Variants in ANKS1B observed in about 807,000 individuals in gnomAD.
ANKS1B encodes ankyrin repeat and sterile alpha motif domain-containing protein 1B.
A neutral mutation model predicts 148.3 loss-of-function variants in ANKS1B; 36 were observed. That is an observed-to-expected ratio of 0.24 (90% CI 0.19 to 0.32). The LOEUF is 0.32. Ranked by LOEUF, ANKS1B falls within the 10% of genes least tolerant of loss-of-function variation. The pLI, the probability that ANKS1B is intolerant of heterozygous loss-of-function variation, is 1.00. For synonymous variants in ANKS1B, 542 were observed against 560.8 expected, an observed-to-expected ratio of 0.97 and a Z score of 0.47; for missense variants, 1,157 against 1,542.6, an observed-to-expected ratio of 0.75 and a Z score of 4.19.
In ANKS1B at chr12:99,794,460, T is replaced by TACAC. The variant is rs148663206; in HGVS notation, c.669+11940_669+11943dup. On this transcript the variant is annotated intron_variant, in intron 4 of 26. Transcript: ENST00000683438. ...AGATGAAAGGATAAAGAAAATGTGG[T>TACAC]ACACACACACACACACACACACACA... Among the ~76,000 whole-genome samples the TACAC allele has an allele frequency of 3.9e-3, 559 of 143,644 alleles. 7 individuals carry two copies. Among genetic ancestry groups the TACAC allele is most frequent in the South Asian group, 0.021 (92 of 4,352 alleles). 94.2% of individuals were successfully genotyped at this position (143,644 alleles called of 152,430 possible). A position where few individuals can be genotyped will look rare whatever the true frequency, so the allele number is the denominator to read the frequency against.
chr12:99,392,509 G>A lies in ANKS1B; in HGVS notation c.1756+7122C>T, dbSNP rs866905807. On this transcript the variant is annotated intron_variant, in intron 12 of 26. Transcript: ENST00000683438. ...CCATCAGTTTTCTCCTGCAGGAGGT[G>A]ATGGTTTGAAACTACTAGCAAAACT... Among the ~76,000 whole-genome samples the A allele has an allele frequency of 3.3e-5, 5 of 152,316 alleles. 1 individual carries two copies. Among genetic ancestry groups the A allele is most frequent in the Middle Eastern group, 6.8e-3 (2 of 294 alleles).
At chr12:99,463,304 C>T (rs183431510) in intron 10 of ANKS1B, among the ~76,000 whole-genome samples, 188 of 152,174 alleles carry the variant, frequency 1.2e-3, no homozygotes, top group Non-Finnish European at 2.1e-3. Flanking sequence ...CATTCAAATG[C>T]GGCAGCCAAG....
intron 10 of ANKS1B, among the ~76,000 whole-genome samples, chr12:99,467,453 A>T (rs1313654649): frequency 6.6e-6 from 1 of 152,178 alleles, no homozygotes; most frequent in Admixed American, 6.5e-5. Flanking sequence ...ATTAGGCAGG[A>T]GAAGGAAATA....
chr12:99,017,196 G>A (rs2099943094), intron 17 of ANKS1B, among the ~76,000 whole-genome samples: 1 of 152,194 alleles, frequency 6.6e-6, no homozygotes, highest in East Asian at 1.9e-4. Flanking sequence ...TGACTTCCAA[G>A]CTGTCCTTGG....
At chr12:99,259,207 T>C (rs1442703443) in intron 12 of ANKS1B, among the ~76,000 whole-genome samples, 2 of 152,214 alleles carry the variant, frequency 1.3e-5, no homozygotes, top group Non-Finnish European at 2.9e-5. Flanking sequence ...CACTGGAGCT[T>C]GAAAACCACC....
chr12:99,101,016 T>C (rs1298956772), intron 15 of ANKS1B, among the ~76,000 whole-genome samples: 2 of 152,136 alleles, frequency 1.3e-5, no homozygotes, highest in African/African-American at 4.8e-5. Flanking sequence ...GAGAAGGCAC[T>C]GCGTGGATCG....
chr12:99,106,428 G>T (rs1203383668), intron 15 of ANKS1B, among the ~76,000 whole-genome samples: 1 of 152,210 alleles, frequency 6.6e-6, no homozygotes, highest in Non-Finnish European at 1.5e-5. Context: ...CTACAGCCAT[G>T]TATTCTTCTA....
rs149136296 is a variant in ANKS1B at position 98,917,620 on chromosome 12, G to C, written c.2779-85484C>G. ...TGCTTTTTATTTTGTATCAGCTGAA[G>C]TGCTGTGAGTATTCGGGATGAAAAA... On this transcript the variant is annotated intron_variant, in intron 17 of 26. Coordinates refer to ENST00000683438, the MANE Select transcript of ANKS1B (RefSeq NM_001352186.2). Among the ~76,000 whole-genome samples, 314 of 152,328 alleles carry C rather than the reference G, an allele frequency of 2.1e-3. 3 individuals carry two copies. In the East Asian group the frequency reaches 0.037, roughly 18 times the overall value.
intron 15 of ANKS1B, among the ~76,000 whole-genome samples, chr12:99,110,513 A>G (rs1466831723): frequency 6.6e-6 from 1 of 152,226 alleles, no homozygotes; most frequent in Non-Finnish European, 1.5e-5. Context: ...GTTCTAAAAT[A>G]TTTATCATCA....
chr12:98,948,815 C>T (rs1277283301), intron 17 of ANKS1B, among the ~76,000 whole-genome samples: 1 of 150,320 alleles, frequency 6.7e-6, no homozygotes, highest in Non-Finnish European at 1.5e-5. Context: ...GATTAAGCAA[C>T]AGGCTCAAGA....
intron 1 of ANKS1B, among the ~76,000 whole-genome samples, chr12:99,842,686 A>C (rs1360649233): frequency 1.3e-5 from 2 of 152,096 alleles, no homozygotes; most frequent in Non-Finnish European, 2.9e-5. Context: ...CCACTTGCCC[A>C]TGCTATATTT....
At chr12:99,907,204 C>T (rs1336905825) in intron 1 of ANKS1B, among the ~76,000 whole-genome samples, 1 of 152,180 alleles carries the variant, frequency 6.6e-6, no homozygotes, top group Non-Finnish European at 1.5e-5. Context: ...CAGGGGAAGT[C>T]ACTGATAGTT....
intron 8 of ANKS1B, among the ~76,000 whole-genome samples, chr12:99,758,873 T>TA (rs2061819724): frequency 6.6e-6 from 1 of 151,852 alleles, no homozygotes; most frequent in African/African-American, 2.4e-5. Context: ...CCAGGCTAGG[T>TA]AAAACTAGGA....
In ANKS1B at chr12:98,801,092, G is replaced by T; in HGVS notation, c.3175C>A (p.Arg1059=). 6.2e-7 allele frequency: 1 copy of T among 1,612,388 alleles called. No homozygotes were observed. Among genetic ancestry groups the T allele is most frequent in the South Asian group, 1.1e-5 (1 of 90,728 alleles). ...GDWGEPSITL[R]PPNEATASTP... The stretch of plus-strand genomic sequence containing the variant: ...GAGGCTGTGGCTTCATTCGGAGGTC[G>T]CAAGGTAATGGAAGGTTCTCCCCAG... Residue 1059 remains arginine (R), a synonymous_variant, in exon 21 of 27, where the codon CGA becomes AGA. Coordinates refer to ENST00000683438, the MANE Select transcript of ANKS1B (RefSeq NM_001352186.2). This position sits in a 1 kb window ranked among gnomAD's most constrained non-coding sequence, Gnocchi z 5.2.
intron 14 of ANKS1B, among the ~76,000 whole-genome samples, chr12:99,190,484 C>G (rs2080510826): frequency 6.6e-6 from 1 of 152,038 alleles, no homozygotes; most frequent in Admixed American, 6.5e-5. Flanking sequence ...GATATTGTTA[C>G]AAAAACAGAT....
In ANKS1B at chr12:99,900,959, G is replaced by A. The variant is rs901417063; in HGVS notation, c.135-75570C>T. 3.3e-5 allele frequency among the ~76,000 whole-genome samples: 5 copies of A among 152,036 alleles called. No individual in the cohort carries two copies. In the East Asian group the frequency reaches 9.7e-4, roughly 29 times the overall value. ...TTTTTTCTCTGTAACTATACTTTTT[G>A]TTTCTGAAGAATGAGGCTGTCCCCT... On this transcript the variant is annotated intron_variant, in intron 1 of 26. Coordinates refer to ENST00000683438, the MANE Select transcript of ANKS1B (RefSeq NM_001352186.2).
At chr12:98,867,454 C>T (rs1362339900) in intron 17 of ANKS1B, among the ~76,000 whole-genome samples, 1 of 152,200 alleles carries the variant, frequency 6.6e-6, no homozygotes, top group East Asian at 1.9e-4. Context: ...GAGGAAAGAG[C>T]TGAATCAAAA....
intron 12 of ANKS1B, among the ~76,000 whole-genome samples, chr12:99,329,073 G>A (rs1339996337): frequency 2.6e-5 from 4 of 151,882 alleles, no homozygotes; most frequent in African/African-American, 4.8e-5. Context: ...AAAGAAAAAT[G>A]AACAGAGCCT....
chr12:99,805,984 G>A (rs972076779), intron 4 of ANKS1B, among the ~76,000 whole-genome samples: 4 of 152,100 alleles, frequency 2.6e-5, no homozygotes, highest in African/African-American at 9.7e-5. Context: ...AATCCCAAAG[G>A]ACAGTTGTGA....
Sources: gnomAD v4.1 joint callset for allele counts (sites outside exome capture counted in the v4.1 genomes callset) on GRCh38, gnomAD v4.1.1 for gene constraint, Gnocchi (gnomAD v3.1) non-coding constraint, MANE v1.5 for transcripts, NCBI Gene and HGNC (gene_info 2026-07-23, HGNC 2026-07-21) for gene names.